The following NR3C2 variants were observed in gnomAD, a reference collection of about 807,000 sequenced individuals.
NR3C2 encodes mineralocorticoid receptor.
A neutral mutation model predicts 86.4 loss-of-function variants in NR3C2; 15 were observed. The ratio of observed to expected loss-of-function variants is 0.17; its 90% CI spans 0.12 to 0.27. The LOEUF is 0.27. Ranked by LOEUF, NR3C2 falls within the 10% of genes least tolerant of loss-of-function variation. The pLI is 1.00. For missense variants in NR3C2, 960 were observed against 1,195.6 expected (o/e 0.80, Z 2.91); for synonymous variants, 458 against 450.5 (o/e 1.02, Z -0.21).
chr4:148,369,060 G>A (rs1178116442), intron 2 of NR3C2, among the ~76,000 whole-genome samples: 1 of 152,184 alleles, frequency 6.6e-6, no homozygotes, highest in East Asian at 1.9e-4. Flanking sequence ...AAAAAATAGA[G>A]TAGGTACTTG....
intron 2 of NR3C2, among the ~76,000 whole-genome samples, chr4:148,310,085 T>C (rs552631199): frequency 7.2e-5 from 11 of 152,298 alleles, no homozygotes; most frequent in South Asian, 6.2e-4. Flanking sequence ...TCATAATAAC[T>C]AGAATTATTT....
intron 3 of NR3C2, among the ~76,000 whole-genome samples, chr4:148,219,824 A>C (rs905083009): frequency 6.6e-6 from 1 of 152,244 alleles, no homozygotes; most frequent in Admixed American, 6.5e-5. Flanking sequence ...TGTTATTTTT[A>C]AAGGAATTAA....
intron 2 of NR3C2, among the ~76,000 whole-genome samples, chr4:148,372,481 CA>C (rs1484041411): frequency 1.3e-5 from 2 of 151,648 alleles, no homozygotes; most frequent in East Asian, 3.9e-4. Flanking sequence ...GGTCACAAAC[CA>C]AAGAGGCATT....
upstream of NR3C2, chr4:148,444,665 T>C: frequency 6.1e-6 from 6 of 985,546 alleles, no homozygotes; most frequent in Non-Finnish European, 7.2e-6. Flanking sequence ...ATCCCGGCAG[T>C]GGCAGTCGCC....
intron 2 of NR3C2, among the ~76,000 whole-genome samples, chr4:148,372,462 A>G (rs779433347): frequency 3.9e-5 from 6 of 152,134 alleles, no homozygotes; most frequent in Admixed American, 6.5e-5. Flanking sequence ...CCCAAAAATG[A>G]ACAGATGAGG....
chr4:148,224,480 C>T (rs189705323), intron 3 of NR3C2, among the ~76,000 whole-genome samples: 9 of 152,298 alleles, frequency 5.9e-5, no homozygotes, highest in South Asian at 2.1e-4. Context: ...CCAGTTAGAA[C>T]GAGTGAGGCA....
At chr4:148,215,290 G>A (rs189052800) in intron 3 of NR3C2, among the ~76,000 whole-genome samples, 7 of 152,258 alleles carry the variant, frequency 4.6e-5, no homozygotes, top group African/African-American at 1.2e-4. Context: ...CATTAAAATT[G>A]ACACTCAGTT....
chr4:148,264,623 C>T (rs1034053367), intron 2 of NR3C2, among the ~76,000 whole-genome samples: 3 of 151,700 alleles, frequency 2.0e-5, no homozygotes, highest in Non-Finnish European at 4.4e-5. Flanking sequence ...GCAAAATCAC[C>T]TCTCCTCTCT....
chr4:148,312,750 G>T (rs182521003), intron 2 of NR3C2, among the ~76,000 whole-genome samples: 2 of 152,124 alleles, frequency 1.3e-5, no homozygotes, highest in East Asian at 3.9e-4. Context: ...AGCTATATTG[G>T]CATTTTTCCA....
intron 3 of NR3C2, among the ~76,000 whole-genome samples, chr4:148,253,883 G>A (rs1307474461): frequency 6.6e-6 from 1 of 152,106 alleles, no homozygotes; most frequent in Non-Finnish European, 1.5e-5. Flanking sequence ...AAAGGTACCT[G>A]GCATTTAGTA....
intron 2 of NR3C2, among the ~76,000 whole-genome samples, chr4:148,302,568 T>C (rs1579127019): frequency 1.3e-5 from 2 of 152,198 alleles, no homozygotes; most frequent in South Asian, 4.1e-4. Flanking sequence ...GAGAAACCAG[T>C]TGTTTTACTA....
chr4:148,436,316 T>C lies in NR3C2; in HGVS notation c.545A>G (p.Lys182Arg). 6.2e-7 allele frequency: 1 copy of C among 1,614,148 alleles called. No individual in the cohort carries two copies. The highest frequency in any genetic ancestry group is 2.2e-5 in the East Asian group (1 of 44,876). The change falls in exon 2 of 9, where the codon AAA becomes AGA. Residue 182 changes from lysine to arginine, a missense_variant. Coordinates refer to ENST00000358102, the MANE Select transcript of NR3C2 (RefSeq NM_000901.5). ...TTTCTCATGACACATGATAGGGCTT[T>C]TAACAACGGCGCGCATGACGCCACC... is the stretch of plus-strand genomic sequence containing the variant. Reference protein sequence around the residue: ...VNGGVMRAVVKSPIMCHEKSP... With the variant: ...VNGGVMRAVVRSPIMCHEKSP...
intron 6 of NR3C2, chr4:148,146,885 CCAG>C (rs1225062089): frequency 3.3e-5 from 5 of 152,012 alleles, no homozygotes; most frequent in African/African-American, 1.2e-4. Context: ...TTTTCAAATA[CCAG>C]CCAAGATGTA....
At chr4:148,090,308 G>A (rs1473849225) in intron 8 of NR3C2, among the ~76,000 whole-genome samples, 1 of 152,202 alleles carries the variant, frequency 6.6e-6, no homozygotes, top group Non-Finnish European at 1.5e-5. Context: ...AGGAAAGATG[G>A]GCTTGGCACA....
At chr4:148,363,115 C>A (rs1266969103) in intron 2 of NR3C2, among the ~76,000 whole-genome samples, 1 of 152,146 alleles carries the variant, frequency 6.6e-6, no homozygotes, top group Non-Finnish European at 1.5e-5. Flanking sequence ...AACCACCACA[C>A]CTCAGAGTTC....
chr4:148,231,922 C>T (rs79646239), intron 3 of NR3C2, among the ~76,000 whole-genome samples: 2 of 152,260 alleles, frequency 1.3e-5, no homozygotes, highest in East Asian at 3.9e-4. Context: ...AAAAGCATTT[C>T]CTCATTAATT....
At chr4:148,291,642 C>A (rs1741799552) in intron 2 of NR3C2, among the ~76,000 whole-genome samples, 1 of 152,008 alleles carries the variant, frequency 6.6e-6, no homozygotes, top group African/African-American at 2.4e-5. Flanking sequence ...TAATTGATGT[C>A]TGATTACTTT....
At chr4:148,312,848 T>C (rs61761510) in intron 2 of NR3C2, among the ~76,000 whole-genome samples, 1 of 152,170 alleles carries the variant, frequency 6.6e-6, no homozygotes, top group South Asian at 2.1e-4. Flanking sequence ...GGCTTTTTTT[T>C]ATGGGAAAAG....
Position 148,357,125 on chromosome 4 carries a change from A to C in NR3C2, c.1757+77979T>G, listed in dbSNP as rs532926807. Among the ~76,000 whole-genome samples the C allele has an allele frequency of 5.9e-5, 9 of 152,288 alleles. No homozygotes were observed. In the South Asian group the frequency reaches 1.9e-3, roughly 32 times the overall value. ...CTATAATCCCATGGTAGATAATGGA[A>C]GGAATAGTGGGGTGTGTGTTCCAAG... On this transcript the variant is annotated intron_variant, in intron 2 of 8. Coordinates refer to ENST00000358102, the MANE Select transcript of NR3C2 (RefSeq NM_000901.5).
Sources: allele counts gnomAD v4.1 joint callset (sites outside exome capture counted in the v4.1 genomes callset), GRCh38; gene constraint gnomAD v4.1.1; transcripts MANE v1.5; gene names NCBI Gene and HGNC (gene_info 2026-07-23, HGNC 2026-07-21).